The following CCR7 variants were observed in gnomAD, a reference collection of about 807,000 sequenced individuals.
CCR7 encodes the protein C-C chemokine receptor type 7.
In CCR7, 11 loss-of-function variants were observed where a neutral mutation model predicts 26.0. The ratio of observed to expected loss-of-function variants is 0.42; its 90% CI spans 0.27 to 0.70. The LOEUF (loss-of-function observed/expected upper bound fraction) is 0.70. CCR7 is among the 30% of genes least tolerant of loss of function. CCR7 has a pLI of 0.23. For missense variants in CCR7, 360 were observed against 504.0 expected, an observed-to-expected ratio of 0.71 and a Z score of 2.74; for synonymous variants, 189 against 202.1, an observed-to-expected ratio of 0.94 and a Z score of 0.55.
chr17:40,558,832 C>A, intron 2 of CCR7, 61 bp downstream of exon 2: 1 of 1,478,278 alleles, frequency 6.8e-7, no homozygotes, highest in South Asian at 1.1e-5. Flanking sequence ...CTCCACTAAA[C>A]CCCTGACTTG....
At chr17:40,561,785 T>TTC (rs1053173196) in intron 1 of CCR7, among the ~76,000 whole-genome samples, 104 of 152,104 alleles carry the variant, frequency 6.8e-4, no homozygotes, top group African/African-American at 2.3e-3. Flanking sequence ...AACACAACTT[T>TTC]TCTCTCTCTC....
At chr17:40,556,570 A>G (rs1388527641) in intron 2 of CCR7, among the ~76,000 whole-genome samples, 2 of 152,114 alleles carry the variant, frequency 1.3e-5, no homozygotes, top group Non-Finnish European at 2.9e-5. Context: ...CTTCTGTGAA[A>G]TGGAGATGAA....
chr17:40,556,801 G>A (rs1292329566), intron 2 of CCR7, among the ~76,000 whole-genome samples: 2 of 152,146 alleles, frequency 1.3e-5, no homozygotes, highest in Non-Finnish European at 2.9e-5. Flanking sequence ...GGTTGAGGAG[G>A]GCCTGGAGTA....
Position 40,555,374 on chromosome 17 carries a change from C to T in CCR7, c.505G>A (p.Ala169Thr). 1 of 1,614,128 alleles carries T rather than the reference C, an allele frequency of 6.2e-7. No homozygotes were observed. The highest frequency in any genetic ancestry group is 8.5e-7 in the Non-Finnish European group (1 of 1,180,032). Residue 169 changes from alanine to threonine, a missense_variant, in exon 3 of 3, where the codon GCC (alanine) becomes ACC (threonine). Ala to Thr is a moderately conservative substitution (Grantham distance 58). Coordinates refer to ENST00000246657, the MANE Select transcript of CCR7 (RefSeq NM_001838.4). This position sits in a 1 kb window ranked among gnomAD's most constrained non-coding sequence, Gnocchi z 5.6. ...AGCTTGCTGATGAGAAGGACGCGGGCACGGTGGCGGTGAGCTGAGACAGCC... is the reference window on the plus strand; with the variant it reads ...AGCTTGCTGATGAGAAGGACGCGGGTACGGTGGCGGTGAGCTGAGACAGCC... The part of the protein sequence containing the change: ...VQAVSAHRHR[A>T]RVLLISKLSC...
rs2036699054 is a variant in CCR7 at position 40,565,391 on chromosome 17, C to G, written c.10+9G>C. ...TACTGTTCCTTCTCACATGAAGAGGCTCACTCACCCAGGTCCATGACGCTC... is the reference window on the plus strand; with the variant it reads ...TACTGTTCCTTCTCACATGAAGAGGGTCACTCACCCAGGTCCATGACGCTC... On this transcript the variant is annotated intron_variant, in intron 1 of 2. Coordinates refer to ENST00000246657, the MANE Select transcript of CCR7 (RefSeq NM_001838.4). 2 of 1,612,504 alleles carry G rather than the reference C, an allele frequency of 1.2e-6. No individual in the cohort carries two copies. Among genetic ancestry groups the G allele is most frequent in the African/African-American group, 2.7e-5 (2 of 74,896 alleles).
Position 40,563,824 on chromosome 17 carries a change from C to T in CCR7, c.10+1576G>A, listed in dbSNP as rs149050638. On this transcript the variant is annotated intron_variant, in intron 1 of 2. Transcript: ENST00000246657. The stretch of plus-strand genomic sequence containing the variant: ...ACCTAGTCTGGGGTAAGACACTCTG[C>T]ACATCTTCCCAACCCCCTGTTCAGT... 3.1e-3 allele frequency among the ~76,000 whole-genome samples: 479 copies of T among 152,258 alleles called. 6 individuals are homozygous for T. The highest frequency in any genetic ancestry group is 0.01 in the African/African-American group (424 of 41,526).
In CCR7 at chr17:40,555,129, C is replaced by A. The variant is rs149138423; in HGVS notation, c.750G>T (p.Leu250=). 6.2e-7 allele frequency: 1 copy of A among 1,614,026 alleles called. No individual in the cohort carries two copies. The highest frequency in any genetic ancestry group is 1.3e-5 in the African/African-American group (1 of 74,920). Residue 250 remains leucine (L), a synonymous_variant, in exon 3 of 3, where the codon CTG becomes CTT. Coordinates refer to ENST00000246657, the MANE Select transcript of CCR7 (RefSeq NM_001838.4). The surrounding 1 kb of genome is among the most constrained non-coding windows in gnomAD (Gnocchi z 5.6). ...SFCYLVIIRT[L]LQARNFERNK... ...TGCGCTCAAAGTTGCGTGCCTGGAG[C>A]AGGGTGCGGATGATGACAAGGTAAC...
At chr17:40,564,176 A>G (rs1481630867) in intron 1 of CCR7, among the ~76,000 whole-genome samples, 4 of 152,178 alleles carry the variant, frequency 2.6e-5, no homozygotes. Context: ...AGAGATTTTC[A>G]AAAACTAAAC....
intron 1 of CCR7, among the ~76,000 whole-genome samples, chr17:40,562,571 A>G (rs1033125980): frequency 2.6e-5 from 4 of 152,034 alleles, no homozygotes; most frequent in African/African-American, 7.3e-5. Context: ...CACAAATCTC[A>G]TCCTTTAATT....
chr17:40,555,333 G>T lies in CCR7; in HGVS notation c.546C>A (p.Ile182=). 6.2e-7 allele frequency: 1 copy of T among 1,614,166 alleles called. No individual in the cohort carries two copies. The highest frequency in any genetic ancestry group is 1.1e-5 in the South Asian group (1 of 91,076). Residue 182 remains isoleucine, a synonymous_variant, in exon 3 of 3, where the codon ATC becomes ATA. Transcript: ENST00000246657. The surrounding 1 kb of genome is among the most constrained non-coding windows in gnomAD (Gnocchi z 5.6). ...LLISKLSCVG[I]WILATVLSIP... ...TGGAGAGCACTGTGGCTAGTATCCA[G>T]ATGCCCACACAGGACAGCTTGCTGA...
intron 1 of CCR7, among the ~76,000 whole-genome samples, chr17:40,561,546 G>C (rs1377754167): frequency 6.6e-6 from 1 of 152,162 alleles, no homozygotes; most frequent in Non-Finnish European, 1.5e-5. Context: ...TGAGTTTTCA[G>C]TAATGATCAT....
chr17:40,558,453 C>A (rs552462001), intron 2 of CCR7, among the ~76,000 whole-genome samples: 3 of 152,088 alleles, frequency 2.0e-5, no homozygotes, highest in Non-Finnish European at 2.9e-5. Context: ...GCGAGGGAAG[C>A]CTTTGGGTGA....
At chr17:40,556,272 C>G (rs898394045) in intron 2 of CCR7, among the ~76,000 whole-genome samples, 1 of 152,160 alleles carries the variant, frequency 6.6e-6, no homozygotes, top group African/African-American at 2.4e-5. Context: ...TTCCTAAAGT[C>G]TCCAGGTGAT....
intron 1 of CCR7, among the ~76,000 whole-genome samples, 154 bp from the exon 2 acceptor site, chr17:40,559,096 T>C (rs76257997): frequency 6.6e-6 from 1 of 152,324 alleles, no homozygotes; most frequent in South Asian, 2.1e-4. Context: ...GATTGTGCCT[T>C]TGAACACCTG....
intron 1 of CCR7, among the ~76,000 whole-genome samples, chr17:40,559,981 TGGGGG>T (rs976374718): frequency 6.6e-6 from 1 of 151,496 alleles, no homozygotes; most frequent in African/African-American, 2.4e-5. Context: ...AACTTAGGCT[TGGGGG>T]GCAGGTGAAA....
At chr17:40,565,060 C>T (rs2036694572) in intron 1 of CCR7, among the ~76,000 whole-genome samples, 2 of 152,030 alleles carry the variant, frequency 1.3e-5, no homozygotes, top group Admixed American at 6.5e-5. Flanking sequence ...TAACCTATCA[C>T]CCTCATGATG....
rs1463009610 is a variant in CCR7, at chr17:40,555,737, A to G, written c.142T>C (p.Cys48Arg). The G allele has an allele frequency of 6.2e-7, 1 of 1,614,194 alleles. No individual in the cohort carries two copies. Among genetic ancestry groups the G allele is most frequent in the Non-Finnish European group, 8.5e-7 (1 of 1,180,024 alleles). ...TVDYTLFESL[C>R]SKKDVRNFKA... Reference sequence around the variant, plus strand: ...AAGTTCCGCACGTCCTTCTTGGAGCACAAAGACTCGAACAAAGTGTAGTCC... The same window carrying G: ...AAGTTCCGCACGTCCTTCTTGGAGCGCAAAGACTCGAACAAAGTGTAGTCC... The change falls in exon 3 of 3, where the codon TGC (cysteine) becomes CGC (arginine). Residue 48 changes from cysteine (C) to arginine (R), a missense_variant. Transcript: ENST00000246657. This position sits in a 1 kb window ranked among gnomAD's most constrained non-coding sequence, Gnocchi z 5.6.
Position 40,555,171 on chromosome 17 carries a change from C to G in CCR7, c.708G>C (p.Leu236=), listed in dbSNP as rs776715595. Residue 236 remains leucine, a synonymous_variant, in exon 3 of 3, where the codon CTG becomes CTC. Transcript: ENST00000246657. This position sits in a 1 kb window ranked among gnomAD's most constrained non-coding sequence, Gnocchi z 5.6. ...CAAGGTAACAGAAGCTCATGGCCAG[C>G]AGGGGGACCAGAAAGCCGATCACCA... ...AQMVIGFLVP[L]LAMSFCYLVI... 1.1e-5 allele frequency: 17 copies of G among 1,614,046 alleles called. No individual in the cohort carries two copies. The highest frequency in any genetic ancestry group is 1.4e-5 in the Non-Finnish European group (17 of 1,180,034).
At position 40,558,875 on chromosome 17, in the gene CCR7, C is replaced by T. The variant is rs771811231; in HGVS notation, c.60+18G>A. 1 of 1,612,398 alleles carries T rather than the reference C, an allele frequency of 6.2e-7. No homozygotes were observed. The highest frequency in any genetic ancestry group is 1.7e-5 in the Admixed American group (1 of 59,996). On this transcript the variant is annotated intron_variant, in intron 2 of 2. Transcript: ENST00000246657. Reference sequence around the variant, plus strand: ...GTGTGGAGAAGGGAACAGAGCTTTCCTTGGCAGAGAACCTCACCTGGAAAA... The same window carrying T: ...GTGTGGAGAAGGGAACAGAGCTTTCTTTGGCAGAGAACCTCACCTGGAAAA...
Sources: gnomAD v4.1 joint callset for allele counts (sites outside exome capture counted in the v4.1 genomes callset) on GRCh38, gnomAD v4.1.1 for gene constraint, Gnocchi (gnomAD v3.1) non-coding constraint, MANE v1.5 for transcripts, NCBI Gene and HGNC (gene_info 2026-07-23, HGNC 2026-07-21) for gene names.